ARPC5L: variants seen among roughly 807,000 people sequenced by gnomAD.
ARPC5L encodes the protein actin related protein 2/3 complex subunit 5 like, also known as actin-related protein 2/3 complex subunit 5-like protein.
ARPC5L carries 4 observed loss-of-function variants against 16.9 expected under a neutral mutation model. The ratio of observed to expected loss-of-function variants is 0.24; its 90% CI spans 0.12 to 0.54. The LOEUF (loss-of-function observed/expected upper bound fraction) is 0.54. Ranked by LOEUF, ARPC5L falls within the 20% of genes least tolerant of loss-of-function variation. The pLI, the probability that ARPC5L is intolerant of heterozygous loss-of-function variation, is 0.95. For synonymous variants in ARPC5L, 78 were observed against 82.6 expected (o/e 0.94, Z 0.30); for missense variants, 151 against 201.9 (o/e 0.75, Z 1.53).
chr9:124,875,822 C>T (rs1027228403), intron 5 of ARPC5L, among the ~76,000 whole-genome samples: 2 of 152,210 alleles, frequency 1.3e-5, no homozygotes, highest in African/African-American at 4.8e-5. Context: ...GAGTTACTAA[C>T]CTGCCTGCCT....
chr9:124,874,463 C>CA (rs1222548631), intron 4 of ARPC5L, among the ~76,000 whole-genome samples: 1 of 152,136 alleles, frequency 6.6e-6, no homozygotes, highest in Non-Finnish European at 1.5e-5. Context: ...CTTTGGGAGG[C>CA]AGGAGGATCG....
intron 5 of ARPC5L, among the ~76,000 whole-genome samples, chr9:124,876,359 C>CAT (rs1564314078): frequency 5.3e-5 from 8 of 152,018 alleles, no homozygotes; most frequent in African/African-American, 1.9e-4. Flanking sequence ...TGGTGGCGGG[C>CAT]GCCTGTAATC....
At position 124,877,009 on chromosome 9, in the gene ARPC5L, A is replaced by C; in HGVS notation, c.*69A>C. ...GCCCAGGCTGGTGAAGAAGGGATTG[A>C]CAATGGACCATCTTCCTAGGAACTC... On this transcript the variant is annotated 3_prime_UTR_variant, in exon 6 of 6. Transcript: ENST00000353214. 8.1e-7 allele frequency: 1 copy of C among 1,230,520 alleles called. No individual in the cohort carries two copies. The highest frequency in any genetic ancestry group is 1.2e-6 in the Non-Finnish European group (1 of 864,254). 76.2% of individuals were successfully genotyped at this position (1,230,520 alleles called of 1,614,324 possible).
chr9:124,873,558 C>T (rs1829390234), intron 3 of ARPC5L, 134 bp from the exon 4 acceptor site: 5 of 994,274 alleles, frequency 5.0e-6, no homozygotes, highest in South Asian at 1.4e-5. Flanking sequence ...CTCTGCCCCC[C>T]TGGAAGCCGT....
chr9:124,870,202 T>G (rs1212883480), intron 3 of ARPC5L, among the ~76,000 whole-genome samples: 3 of 152,160 alleles, frequency 2.0e-5, no homozygotes, highest in African/African-American at 7.2e-5. Flanking sequence ...CCAGACACCT[T>G]GAAGCGAAGT....
chr9:124,865,247 C>T (rs960634705), intron 2 of ARPC5L, among the ~76,000 whole-genome samples: 4 of 138,560 alleles, frequency 2.9e-5, no homozygotes, highest in African/African-American at 1.1e-4. Context: ...AACCCAGAGG[C>T]AGAGGTTGCA....
At chr9:124,873,660 A>C (rs757489021) in intron 3 of ARPC5L, 32 bp from the exon 4 acceptor site, 106 of 1,613,154 alleles carry the variant, frequency 6.6e-5, no homozygotes, top group Non-Finnish European at 8.7e-5. Flanking sequence ...GATGTGCTTG[A>C]GCCTAGCTAT....
chr9:124,869,565 TCCA>T (rs1178202722), intron 3 of ARPC5L, 126 bp downstream of exon 3: 4 of 1,357,826 alleles, frequency 2.9e-6, no homozygotes, highest in Non-Finnish European at 9.4e-7. Context: ...CAGGTCAGCC[TCCA>T]GCTCCCTGCC....
At chr9:124,872,797 A>C (rs2131337155) in intron 3 of ARPC5L, 1 of 152,346 alleles carries the variant, frequency 6.6e-6, no homozygotes, top group South Asian at 2.1e-4. Context: ...GACCCAGCTC[A>C]CTCAAGATGG....
intron 1 of ARPC5L, among the ~76,000 whole-genome samples, chr9:124,863,267 G>GC (rs1829229479): frequency 6.6e-6 from 1 of 152,134 alleles, no homozygotes; most frequent in Admixed American, 6.6e-5. Context: ...AGATTCTCCT[G>GC]CCTTGGCCTC....
rs1221121876 is a variant in ARPC5L at position 124,877,179 on chromosome 9, C to T, written c.*239C>T. ...GAGTACTGCAGAACTGACATTTTGA[C>T]GGTCTACCAGCGTGGCGGCTGGTGT... On this transcript the variant is annotated 3_prime_UTR_variant, in exon 6 of 6. Coordinates refer to ENST00000353214, the MANE Select transcript of ARPC5L (RefSeq NM_030978.3). 4 of 482,640 alleles carry T rather than the reference C, an allele frequency of 8.3e-6. No homozygotes were observed. The highest frequency in any genetic ancestry group is 3.9e-5 in the Admixed American group (1 of 25,402). 29.9% of individuals were successfully genotyped at this position (482,640 alleles called of 1,614,324 possible). A position where few individuals can be genotyped will look rare whatever the true frequency, so the allele number is the denominator to read the frequency against.
chr9:124,862,331 C>A lies in ARPC5L; in HGVS notation c.-1051C>A. 1 of 176,562 alleles carries A rather than the reference C, an allele frequency of 5.7e-6. No individual in the cohort carries two copies. The allele number at this position is 176,562 out of a possible 1,614,324, so 10.9% of individuals were successfully genotyped here. On this transcript the variant is annotated 5_prime_UTR_variant, in exon 1 of 6. The change creates a new upstream start codon in the 5' untranslated region. Transcript: ENST00000353214. ...CAACTCTGAGCTGGGCGCCAGTAGT[C>A]TGGGGGTGCTGACGGGAGGAGGGGC...
intron 5 of ARPC5L, among the ~76,000 whole-genome samples, chr9:124,875,779 G>T (rs534137350): frequency 6.6e-6 from 1 of 152,154 alleles, no homozygotes; most frequent in Non-Finnish European, 1.5e-5. Flanking sequence ...CCCTAGTGCC[G>T]CAGTAAGCAC....
At chr9:124,876,389 AGGCAGGAGAAGCGCTTGAACTGG>A (rs1271053439) in intron 5 of ARPC5L, among the ~76,000 whole-genome samples, 2 of 152,146 alleles carry the variant, frequency 1.3e-5, no homozygotes, top group African/African-American at 4.8e-5. Context: ...CGGGAGGCTG[AGGCAGGAGAAGCGCTTGAACTGG>A]GGAGGCAGGG....
At chr9:124,871,072 A>T (rs1588043391) in intron 3 of ARPC5L, among the ~76,000 whole-genome samples, 1 of 152,150 alleles carries the variant, frequency 6.6e-6, no homozygotes, top group Non-Finnish European at 1.5e-5. Context: ...AATGGAACTG[A>T]TATTTATTGA....
chr9:124,862,506 CT>C (rs59998816), intron 1 of ARPC5L, 108 bp downstream of exon 1: 669 of 106,736 alleles, frequency 6.3e-3, no homozygotes, highest in Middle Eastern at 0.016. Flanking sequence ...GCATTTACAC[CT>C]TTTTTTTTTT....
chr9:124,863,482 T>G (rs933260556), intron 1 of ARPC5L, among the ~76,000 whole-genome samples: 32 of 152,206 alleles, frequency 2.1e-4, no homozygotes, highest in African/African-American at 7.2e-4. Flanking sequence ...TGACCAGGTT[T>G]CAAATTCTTG....
intron 3 of ARPC5L, 24 bp downstream of exon 3, chr9:124,869,463 C>T (rs1008628754): frequency 3.4e-5 from 48 of 1,424,326 alleles, no homozygotes; most frequent in Non-Finnish European, 4.3e-5. Context: ...ACGCGGCGTC[C>T]GGGCCTGCGC....
In ARPC5L at chr9:124,877,199, T is replaced by C; in HGVS notation, c.*259T>C. 2.3e-6 allele frequency: 1 copy of C among 435,562 alleles called. No individual in the cohort carries two copies. The highest frequency in any genetic ancestry group is 4.9e-5 in the East Asian group (1 of 20,474). 27.0% of individuals were successfully genotyped at this position (435,562 alleles called of 1,614,324 possible). The stretch of plus-strand genomic sequence containing the variant: ...TTTGACGGTCTACCAGCGTGGCGGC[T>C]GGTGTTGGTCAGATGCACCTGTGTG... On this transcript the variant is annotated 3_prime_UTR_variant, in exon 6 of 6. Coordinates refer to ENST00000353214, the MANE Select transcript of ARPC5L (RefSeq NM_030978.3).
Sources: gnomAD v4.1 joint callset for allele counts (sites outside exome capture counted in the v4.1 genomes callset) on GRCh38, gnomAD v4.1.1 for gene constraint, MANE v1.5 for transcripts, NCBI Gene and HGNC (gene_info 2026-07-23, HGNC 2026-07-21) for gene names.